The following RABGAP1L variants were observed in gnomAD, a reference collection of about 807,000 sequenced individuals.
The protein encoded by RABGAP1L is rab GTPase-activating protein 1-like.
In RABGAP1L, 63 loss-of-function variants were observed where a neutral mutation model predicts 137.7. The observed-to-expected ratio is 0.46, with a 90% CI of 0.37 to 0.56. The LOEUF is 0.56. RABGAP1L is among the 20% of genes least tolerant of loss of function. The probability of loss-of-function intolerance (pLI) is 0.00; values close to 1 mark genes in which losing one functional copy is unlikely to be tolerated. For synonymous variants in RABGAP1L, 431 were observed against 433.7 expected (o/e 0.99, Z 0.08); for missense variants, 1,095 against 1,244.0 (o/e 0.88, Z 1.80).
At chr1:174,529,253 A>G (rs566882284) in intron 13 of RABGAP1L, among the ~76,000 whole-genome samples, 3 of 152,212 alleles carry the variant, frequency 2.0e-5, no homozygotes, top group African/African-American at 7.2e-5. Context: ...CATCTCATAT[A>G]ACAGTCGCTT....
intron 13 of RABGAP1L, among the ~76,000 whole-genome samples, chr1:174,629,030 A>G (rs1673126436): frequency 6.6e-6 from 1 of 152,180 alleles, no homozygotes; most frequent in Non-Finnish European, 1.5e-5. Flanking sequence ...TCTTGTAAAA[A>G]TTGACCACTA....
intron 11 of RABGAP1L, among the ~76,000 whole-genome samples, chr1:174,338,617 G>A: frequency 6.6e-6 from 1 of 151,206 alleles, no homozygotes; most frequent in East Asian, 1.9e-4. Flanking sequence ...GTGTATGTGG[G>A]AATGATTTCT....
At chr1:174,915,011 G>A (rs1660627147) in intron 19 of RABGAP1L, among the ~76,000 whole-genome samples, 1 of 152,120 alleles carries the variant, frequency 6.6e-6, no homozygotes, top group African/African-American at 2.4e-5. Flanking sequence ...CATAATAGTA[G>A]CTTGTTCCTT....
chr1:174,282,871 A>G (rs527704856), intron 10 of RABGAP1L, among the ~76,000 whole-genome samples: 4 of 152,330 alleles, frequency 2.6e-5, no homozygotes, highest in Non-Finnish European at 5.9e-5. Flanking sequence ...TCTTTTATCT[A>G]TAGAATTAGT....
At chr1:174,390,628 G>A (rs1169778632) in intron 12 of RABGAP1L, among the ~76,000 whole-genome samples, 2 of 152,192 alleles carry the variant, frequency 1.3e-5, no homozygotes, top group Non-Finnish European at 2.9e-5. Flanking sequence ...TGAATGTTAG[G>A]AGGCTATTGC....
chr1:174,426,397 T>C (rs1440849094), intron 13 of RABGAP1L, among the ~76,000 whole-genome samples: 3 of 152,050 alleles, frequency 2.0e-5, no homozygotes, highest in African/African-American at 7.2e-5. Flanking sequence ...TCAACAAGTA[T>C]AAAAACATAA....
intron 4 of RABGAP1L, chr1:174,238,963 T>G (rs1270642684): frequency 6.3e-6 from 1 of 158,504 alleles, no homozygotes; most frequent in African/African-American, 2.4e-5. Flanking sequence ...TGGGATATAG[T>G]CTCGTGGTGC....
intron 17 of RABGAP1L, among the ~76,000 whole-genome samples, chr1:174,733,325 C>T (rs1682667139): frequency 6.6e-6 from 1 of 152,232 alleles, no homozygotes; most frequent in African/African-American, 2.4e-5. Flanking sequence ...CCAGCTTCAT[C>T]CCTCACATGC....
At chr1:174,798,829 A>C (rs1558089178) in intron 18 of RABGAP1L, among the ~76,000 whole-genome samples, 1 of 152,228 alleles carries the variant, frequency 6.6e-6, no homozygotes, top group Non-Finnish European at 1.5e-5. Context: ...GAACCACAGA[A>C]TCAAGATGCT....
At chr1:174,449,006 T>C in intron 13 of RABGAP1L, 1 of 1,613,574 alleles carries the variant, frequency 6.2e-7, no homozygotes, top group Non-Finnish European at 8.5e-7. Flanking sequence ...TCCAACTCTG[T>C]CCTTCTTAAC....
intron 14 of RABGAP1L, among the ~76,000 whole-genome samples, chr1:174,653,629 G>C (rs1675734582): frequency 6.6e-6 from 1 of 152,168 alleles, no homozygotes. Context: ...AGATGAGCTG[G>C]TACCTGTGTT....
chr1:174,854,311 G>T (rs1411776445), intron 19 of RABGAP1L, among the ~76,000 whole-genome samples: 1 of 152,122 alleles, frequency 6.6e-6, no homozygotes. Context: ...AGGAAAGCAG[G>T]TAATACACTT....
intron 13 of RABGAP1L, among the ~76,000 whole-genome samples, chr1:174,556,605 C>T (rs1240919511): frequency 6.6e-6 from 1 of 152,188 alleles, no homozygotes; most frequent in African/African-American, 2.4e-5. Flanking sequence ...TGAATAGTAA[C>T]TCTGGGATCA....
chr1:174,425,938 A>G (rs1288053162), intron 13 of RABGAP1L, among the ~76,000 whole-genome samples: 1 of 152,070 alleles, frequency 6.6e-6, no homozygotes, highest in Non-Finnish European at 1.5e-5. Flanking sequence ...AGCAAGTTCA[A>G]AGGATTTGAA....
At chr1:174,438,229 A>G (rs1421077531) in intron 13 of RABGAP1L, among the ~76,000 whole-genome samples, 1 of 152,160 alleles carries the variant, frequency 6.6e-6, no homozygotes, top group Admixed American at 6.6e-5. Flanking sequence ...CCAGTCTTTC[A>G]ACTTTGTTTT....
rs566119145 is a variant in RABGAP1L at position 174,562,557 on chromosome 1, T to A, written c.1711-74818T>A. Among the ~76,000 whole-genome samples the A allele has an allele frequency of 1.6e-3, 240 of 152,344 alleles. 3 individuals are homozygous for A. The highest frequency in any genetic ancestry group is 2.4e-4 in the Non-Finnish European group (16 of 68,034). ...TCTGCTATAAAGACACATGCTCACG[T>A]ATGTTTATTGCGGCACTATTCGCAA... On this transcript the variant is annotated intron_variant, in intron 13 of 25. Transcript: ENST00000681986.
intron 7 of RABGAP1L, among the ~76,000 whole-genome samples, chr1:174,268,395 A>G (rs989352540): frequency 5.3e-5 from 8 of 151,614 alleles, no homozygotes; most frequent in Non-Finnish European, 7.4e-5. Context: ...GTAGAGACGG[A>G]GGTTTCACCA....
At chr1:174,169,726 G>A (rs1030446285) in intron 1 of RABGAP1L, among the ~76,000 whole-genome samples, 8 of 152,062 alleles carry the variant, frequency 5.3e-5, no homozygotes, top group African/African-American at 1.7e-4. Context: ...GTATCTCTCT[G>A]TTGCCCAGGC....
intron 9 of RABGAP1L, among the ~76,000 whole-genome samples, chr1:174,276,802 C>T (rs1386648675): frequency 3.3e-5 from 5 of 151,986 alleles, no homozygotes; most frequent in Non-Finnish European, 5.9e-5. Flanking sequence ...TCACATTTTT[C>T]GTTGTTCCAT....
Sources: allele counts gnomAD v4.1 joint callset (sites outside exome capture counted in the v4.1 genomes callset), GRCh38; gene constraint gnomAD v4.1.1; transcripts MANE v1.5; gene names NCBI Gene and HGNC (gene_info 2026-07-23, HGNC 2026-07-21).